The following EPHA5 variants were observed in gnomAD, a reference collection of about 807,000 sequenced individuals.
EPHA5 encodes EPH receptor A5, also known as ephrin type-A receptor 5.
In EPHA5, 60 loss-of-function variants were observed where a neutral mutation model predicts 105.0. The ratio of observed to expected loss-of-function variants is 0.57; its 90% confidence interval spans 0.46 to 0.71. The LOEUF (loss-of-function observed/expected upper bound fraction) is 0.71. EPHA5 is among the 30% of genes least tolerant of loss of function. The probability of loss-of-function intolerance (pLI) is 0.00; values close to 1 mark genes in which losing one functional copy is unlikely to be tolerated. For missense variants in EPHA5, 1,218 were observed against 1,274.7 expected, an observed-to-expected ratio of 0.96 and a Z score of 0.68; for synonymous variants, 513 against 449.1, an observed-to-expected ratio of 1.14 and a Z score of -1.80.
chr4:65,617,002 T>C (rs1195028945), intron 2 of EPHA5, among the ~76,000 whole-genome samples: 1 of 152,090 alleles, frequency 6.6e-6, no homozygotes, highest in East Asian at 1.9e-4. Flanking sequence ...ATACAGTAAA[T>C]TATACTATTT....
chr4:65,648,425 G>A (rs1461992052), intron 1 of EPHA5, among the ~76,000 whole-genome samples: 1 of 152,142 alleles, frequency 6.6e-6, no homozygotes, highest in Non-Finnish European at 1.5e-5. Flanking sequence ...ATAGATCAAG[G>A]ACATGTGATC....
intron 5 of EPHA5, among the ~76,000 whole-genome samples, chr4:65,468,650 A>T: frequency 4.6e-5 from 1 of 21,830 alleles, no homozygotes; most frequent in African/African-American, 1.1e-4. Context: ...ATATATACAT[A>T]TATATGTAAA....
intron 14 of EPHA5, among the ~76,000 whole-genome samples, chr4:65,343,063 T>C (rs1380618561): frequency 1.3e-5 from 2 of 152,174 alleles, no homozygotes; most frequent in Non-Finnish European, 2.9e-5. Flanking sequence ...TTGTGCAATC[T>C]ATGTACTTAG....
chr4:65,373,481 C>T (rs1477034573), intron 8 of EPHA5, among the ~76,000 whole-genome samples: 1 of 151,758 alleles, frequency 6.6e-6, no homozygotes, highest in African/African-American at 2.4e-5. Context: ...TAAAAATCTT[C>T]TCATTTCACA....
Position 65,602,107 on chromosome 4 carries a change from C to T in EPHA5, c.444G>A (p.Lys148=), listed in dbSNP as rs769645696. Residue 148 remains lysine, a synonymous_variant, in exon 3 of 17, where the codon AAG becomes AAA. Coordinates refer to ENST00000613740, the MANE Select transcript of EPHA5 (RefSeq NM_001281766.3). ...CAAAGTAATACATATTAAAGGTTTC[C>T]TTACAGGTCCCCAGTCCTCCAGGAA... is the stretch of plus-strand genomic sequence containing the variant. ...NSLPGGLGTC[K]ETFNMYYFES... is the part of the protein sequence containing the mutation. 1.2e-6 allele frequency: 2 copies of T among 1,614,076 alleles called. No individual in the cohort carries two copies. Among genetic ancestry groups the T allele is most frequent in the South Asian group, 1.1e-5 (1 of 91,080 alleles).
intron 9 of EPHA5, 44 bp from the exon 10 acceptor site, chr4:65,366,101 A>G (rs2148893318): frequency 6.5e-7 from 1 of 1,534,980 alleles, no homozygotes; most frequent in South Asian, 1.2e-5. Context: ...GTTGTGATGG[A>G]TGAGCAAAAT....
intron 7 of EPHA5, among the ~76,000 whole-genome samples, chr4:65,407,436 T>TA (rs1382619188): frequency 6.6e-6 from 1 of 152,142 alleles, no homozygotes; most frequent in Admixed American, 6.5e-5. Context: ...AACAATGTGC[T>TA]AAAGTAGTGC....
intron 5 of EPHA5, among the ~76,000 whole-genome samples, chr4:65,455,009 G>A (rs930113565): frequency 6.6e-6 from 1 of 152,074 alleles, no homozygotes; most frequent in Non-Finnish European, 1.5e-5. Context: ...ACTTTGGGAG[G>A]CCGAGGCGGG....
chr4:65,547,446 T>A (rs1458036792), intron 3 of EPHA5, among the ~76,000 whole-genome samples: 2 of 152,074 alleles, frequency 1.3e-5, no homozygotes, highest in Non-Finnish European at 2.9e-5. Context: ...CTGAGCTGTC[T>A]GACATATTTT....
At chr4:65,484,998 T>C (rs1048829679) in intron 5 of EPHA5, among the ~76,000 whole-genome samples, 2 of 151,794 alleles carry the variant, frequency 1.3e-5, no homozygotes, top group Non-Finnish European at 2.9e-5. Flanking sequence ...CAAAGAAAGA[T>C]TATCATGTGT....
intron 2 of EPHA5, among the ~76,000 whole-genome samples, chr4:65,624,236 G>A (rs1306561820): frequency 2.6e-5 from 4 of 151,992 alleles, no homozygotes; most frequent in South Asian, 2.1e-4. Flanking sequence ...TGTTAGAGAG[G>A]ATAAGAAAAT....
intron 16 of EPHA5, among the ~76,000 whole-genome samples, chr4:65,328,832 A>G (rs777623994): frequency 1.7e-4 from 25 of 151,216 alleles, no homozygotes; most frequent in Non-Finnish European, 2.8e-4. Flanking sequence ...CTTTAAGGGT[A>G]TAATAAATCA....
chr4:65,561,409 T>C (rs1739003781), intron 3 of EPHA5, among the ~76,000 whole-genome samples: 1 of 152,102 alleles, frequency 6.6e-6, no homozygotes, highest in Admixed American at 6.6e-5. Flanking sequence ...TCTCTCATTG[T>C]CCCTCTGTTC....
intron 8 of EPHA5, among the ~76,000 whole-genome samples, chr4:65,400,368 TAAGAAAC>T (rs531399918): frequency 9.5e-4 from 145 of 152,296 alleles, no homozygotes; most frequent in African/African-American, 3.4e-3. Context: ...TATAATCCTG[TAAGAAAC>T]ATTTAAAGGT....
intron 8 of EPHA5, among the ~76,000 whole-genome samples, chr4:65,372,699 C>A (rs1560465780): frequency 6.6e-6 from 1 of 151,852 alleles, no homozygotes; most frequent in Non-Finnish European, 1.5e-5. Context: ...TCTTATCTCA[C>A]ATTTGATCAA....
intron 3 of EPHA5, among the ~76,000 whole-genome samples, chr4:65,506,211 G>A (rs1243010236): frequency 6.6e-6 from 1 of 152,044 alleles, no homozygotes; most frequent in East Asian, 1.9e-4. Context: ...AGTATTCCAT[G>A]GTGTATATGT....
At chr4:65,353,771 CTA>C (rs1039535647) in intron 11 of EPHA5, among the ~76,000 whole-genome samples, 7 of 151,728 alleles carry the variant, frequency 4.6e-5, no homozygotes, top group Non-Finnish European at 8.8e-5. Context: ...ACCTTTACCT[CTA>C]TGTTTTTGTA....
intron 3 of EPHA5, among the ~76,000 whole-genome samples, chr4:65,589,461 T>G (rs1254122927): frequency 1.3e-5 from 2 of 152,102 alleles, no homozygotes; most frequent in East Asian, 3.9e-4. Flanking sequence ...CCACTGGCTG[T>G]GCCAAAGAAA....
intron 8 of EPHA5, among the ~76,000 whole-genome samples, chr4:65,385,677 A>G (rs974129401): frequency 3.9e-5 from 6 of 152,012 alleles, no homozygotes; most frequent in African/African-American, 7.2e-5. Flanking sequence ...TTGTATACAT[A>G]ACAGTGATTA....
Sources: gnomAD v4.1 joint callset for allele counts (sites outside exome capture counted in the v4.1 genomes callset) on GRCh38, gnomAD v4.1.1 for gene constraint, MANE v1.5 for transcripts, NCBI Gene and HGNC (gene_info 2026-07-23, HGNC 2026-07-21) for gene names.